Variants in AGO3 observed in about 807,000 individuals in gnomAD.
The protein encoded by AGO3 is protein argonaute-3.
In AGO3, 16 loss-of-function variants were observed where a neutral mutation model predicts 105.5. That is an observed-to-expected ratio of 0.15 (90% CI 0.10 to 0.23). The LOEUF (loss-of-function observed/expected upper bound fraction) is 0.23, where lower values mean the gene tolerates loss of function less well. AGO3 is among the 10% of genes least tolerant of loss of function. The pLI is 1.00. For synonymous variants in AGO3, 340 were observed against 367.3 expected (o/e 0.93, Z 0.85); for missense variants, 534 against 1,088.0 (o/e 0.49, Z 7.16).
chr1:36,038,702 A>G (rs890963921), intron 14 of AGO3, among the ~76,000 whole-genome samples: 1 of 152,188 alleles, frequency 6.6e-6, no homozygotes. Flanking sequence ...ATAATGTTAT[A>G]AGTTCATGCT....
chr1:35,974,143 T>C (rs1391033157), intron 5 of AGO3, among the ~76,000 whole-genome samples: 1 of 152,212 alleles, frequency 6.6e-6, no homozygotes, highest in Non-Finnish European at 1.5e-5. Flanking sequence ...TATGGATATT[T>C]TCTTATAGCA....
chr1:35,942,893 A>G (rs1646282730), intron 1 of AGO3, among the ~76,000 whole-genome samples: 1 of 152,102 alleles, frequency 6.6e-6, no homozygotes, highest in African/African-American at 2.4e-5. Context: ...CTCATATCTC[A>G]ACTCCCGGTG....
intron 17 of AGO3, among the ~76,000 whole-genome samples, chr1:36,046,490 G>C (rs1034259963): frequency 1.3e-5 from 2 of 151,722 alleles, no homozygotes; most frequent in Admixed American, 1.3e-4. Context: ...TCAGGAGTTT[G>C]AGAACAGCCT....
At chr1:35,981,367 G>T (rs911650081) in intron 5 of AGO3, among the ~76,000 whole-genome samples, 1 of 152,070 alleles carries the variant, frequency 6.6e-6, no homozygotes, top group Non-Finnish European at 1.5e-5. Context: ...AGTTTTCCAG[G>T]TTTCTGTGCT....
chr1:35,949,450 T>C (rs1646429535), intron 2 of AGO3, among the ~76,000 whole-genome samples: 1 of 152,212 alleles, frequency 6.6e-6, no homozygotes, highest in South Asian at 2.1e-4. Context: ...CTGAAATTGA[T>C]GTGGTGGCTC....
In AGO3 at chr1:36,063,589, A is replaced by G. The variant is rs560709678; in HGVS notation, c.*7844A>G. On this transcript the variant is annotated 3_prime_UTR_variant, in exon 19 of 19. Coordinates refer to ENST00000373191, the MANE Select transcript of AGO3 (RefSeq NM_024852.4). ...TCTAAAGTTGATTGAATCCCTGAGTATCAATGAAGAAATCAGAGTTTAAGT... is the reference window on the plus strand; with the variant it reads ...TCTAAAGTTGATTGAATCCCTGAGTGTCAATGAAGAAATCAGAGTTTAAGT... The G allele has an allele frequency of 1.6e-4, 24 of 152,320 alleles. No homozygotes were observed. The highest frequency in any genetic ancestry group is 5.3e-4 in the African/African-American group (22 of 41,572). The allele number at this position is 152,320 out of a possible 1,614,324, so 9.4% of individuals were successfully genotyped here.
chr1:36,025,355 AC>A (rs1381281607), intron 11 of AGO3, among the ~76,000 whole-genome samples: 5 of 151,284 alleles, frequency 3.3e-5, no homozygotes, highest in African/African-American at 1.2e-4. Flanking sequence ...GTGAAATGTC[AC>A]AAGGATGGCT....
At chr1:35,987,936 C>T (rs1292159113) in intron 5 of AGO3, among the ~76,000 whole-genome samples, 4 of 151,768 alleles carry the variant, frequency 2.6e-5, no homozygotes, top group African/African-American at 4.8e-5. Context: ...GGCATGGTGG[C>T]GCACACCTGT....
intron 3 of AGO3, among the ~76,000 whole-genome samples, chr1:35,968,860 G>A (rs1229302550): frequency 2.0e-5 from 3 of 150,892 alleles, no homozygotes; most frequent in African/African-American, 7.3e-5. Context: ...GTGAACAAGA[G>A]TTCCAAACTC....
chr1:35,954,264 C>T (rs529409602), intron 2 of AGO3, among the ~76,000 whole-genome samples: 23 of 152,206 alleles, frequency 1.5e-4, no homozygotes, highest in African/African-American at 5.5e-4. Context: ...AGAGTGGCAT[C>T]TAAATACAAT....
chr1:36,056,298 G>C lies in AGO3; in HGVS notation c.*553G>C, dbSNP rs565532664. 6.6e-6 allele frequency: 1 copy of C among 152,194 alleles called. No individual in the cohort carries two copies. The highest frequency in any genetic ancestry group is 2.4e-5 in the African/African-American group (1 of 41,412). The allele number at this position is 152,194 out of a possible 1,614,324, so 9.4% of individuals were successfully genotyped here. On this transcript the variant is annotated 3_prime_UTR_variant, in exon 19 of 19. Transcript: ENST00000373191. ...ATATGTGTCTGTTATATATTTTAGA[G>C]TTCATTCCATTGGGGAATTTTCTTT...
intron 5 of AGO3, among the ~76,000 whole-genome samples, chr1:35,979,773 A>C (rs1647019018): frequency 6.6e-6 from 1 of 152,166 alleles, no homozygotes; most frequent in Non-Finnish European, 1.5e-5. Context: ...ATCTAATAAA[A>C]AGATTGCACT....
intron 1 of AGO3, among the ~76,000 whole-genome samples, chr1:35,933,479 A>G (rs910946577): frequency 2.6e-5 from 4 of 151,752 alleles, no homozygotes; most frequent in Non-Finnish European, 5.9e-5. Context: ...CTGCCTCTAC[A>G]AAAAACAGAA....
chr1:35,930,913 A>C, upstream of AGO3: 2 of 266,406 alleles, frequency 7.5e-6, no homozygotes, highest in East Asian at 1.4e-4. Flanking sequence ...TCCGGCCGGC[A>C]CGGCCCGGCG....
rs565183260 is a variant in AGO3, at chr1:36,040,134, C to T, written c.2037+150C>T. 1.5e-5 allele frequency: 17 copies of T among 1,168,600 alleles called. No individual in the cohort carries two copies. The Admixed American group carries it at 2.8e-4, about 19-fold the overall frequency. The allele number at this position is 1,168,600 out of a possible 1,614,324, so 72.4% of individuals were successfully genotyped here. Reference sequence around the variant, plus strand: ...ATTGTCTTTTTGAAAATGTTCACTACGAATGTGTATGCCTTGCTTGCTAAG... The same window carrying T: ...ATTGTCTTTTTGAAAATGTTCACTATGAATGTGTATGCCTTGCTTGCTAAG... On this transcript the variant is annotated intron_variant, in intron 15 of 18. Transcript: ENST00000373191.
intron 17 of AGO3, 75 bp from the exon 18 acceptor site, chr1:36,054,871 G>A: frequency 7.0e-7 from 1 of 1,426,758 alleles, no homozygotes; most frequent in Non-Finnish European, 9.8e-7. Context: ...GACAGAGCAA[G>A]ACTTTGTCTC....
In AGO3 at chr1:36,057,218, T is replaced by C. The variant is rs974023526; in HGVS notation, c.*1473T>C. ...TAAATATTTTAAAAGATTAGAGCTCTGTAGGGTTGAGACCTCTGAAATTGA... is the reference window on the plus strand; with the variant it reads ...TAAATATTTTAAAAGATTAGAGCTCCGTAGGGTTGAGACCTCTGAAATTGA... On this transcript the variant is annotated 3_prime_UTR_variant, in exon 19 of 19. Transcript: ENST00000373191. 10 of 152,196 alleles carry C rather than the reference T, an allele frequency of 6.6e-5. No homozygotes were observed. Among genetic ancestry groups the C allele is most frequent in the African/African-American group, 2.4e-4 (10 of 41,442 alleles). The allele number at this position is 152,196 out of a possible 1,614,324, so 9.4% of individuals were successfully genotyped here.
rs1646871846 is a variant in AGO3 at position 35,971,571 on chromosome 1, C to T, written c.313-453C>T. Among the ~76,000 whole-genome samples, 3 of 151,944 alleles carry T rather than the reference C, an allele frequency of 2.0e-5. No homozygotes were observed. In the South Asian group the frequency reaches 6.2e-4, roughly 31 times the overall value. On this transcript the variant is annotated intron_variant, in intron 3 of 18. Coordinates refer to ENST00000373191, the MANE Select transcript of AGO3 (RefSeq NM_024852.4). ...GTCCTTATTTTTTCCAGTCCATTCC[C>T]TCCCATCCTTTGAAAGTAACTAGTT...
At chr1:36,051,885 T>C (rs369016193) in intron 17 of AGO3, among the ~76,000 whole-genome samples, 19 of 152,160 alleles carry the variant, frequency 1.2e-4, no homozygotes, top group African/African-American at 4.3e-4. Flanking sequence ...CACAATGAGA[T>C]ATCATCTCAC....
Sources: gnomAD v4.1 joint callset for allele counts (sites outside exome capture counted in the v4.1 genomes callset) on GRCh38, gnomAD v4.1.1 for gene constraint, MANE v1.5 for transcripts, NCBI Gene and HGNC (gene_info 2026-07-23, HGNC 2026-07-21) for gene names.